Variants in KIF13B observed in about 807,000 individuals in gnomAD.
KIF13B encodes kinesin family member 13B.
KIF13B carries 127 observed loss-of-function variants against 222.0 expected under a neutral mutation model. That is an observed-to-expected ratio of 0.57 (90% confidence interval 0.50 to 0.66). The LOEUF (loss-of-function observed/expected upper bound fraction) is 0.66. Among genes scored for constraint, KIF13B ranks in the 30% least tolerant of loss-of-function variants. KIF13B has a pLI of 0.00. For synonymous variants in KIF13B, 976 were observed against 919.0 expected (o/e 1.06, Z -1.12); for missense variants, 2,173 against 2,379.0 (o/e 0.91, Z 1.80).
chr8:29,220,142 C>T (rs1401622637), intron 2 of KIF13B, among the ~76,000 whole-genome samples: 2 of 152,070 alleles, frequency 1.3e-5, no homozygotes, highest in African/African-American at 2.4e-5. Flanking sequence ...AAAATTTAAC[C>T]CCCCTGTACA....
Position 29,218,200 on chromosome 8 carries a change from C to A in KIF13B, c.150-22001G>T, listed in dbSNP as rs142810291. Among the ~76,000 whole-genome samples, 600 of 152,326 alleles carry A rather than the reference C, an allele frequency of 3.9e-3. 3 individuals carry two copies. The highest frequency in any genetic ancestry group is 0.014 in the African/African-American group (567 of 41,564). On this transcript the variant is annotated intron_variant, in intron 2 of 39. Transcript: ENST00000524189. ...GGTGATCCTGCTGCCTCCACACCAGCTCCTGCAATGGAAATCCTCAGCACC... is the reference window on the plus strand; with the variant it reads ...GGTGATCCTGCTGCCTCCACACCAGATCCTGCAATGGAAATCCTCAGCACC...
chr8:29,227,107 G>C (rs1036660765), intron 2 of KIF13B, among the ~76,000 whole-genome samples: 4 of 152,034 alleles, frequency 2.6e-5, no homozygotes, highest in Admixed American at 1.3e-4. Flanking sequence ...ATTTCTTTCA[G>C]GCTTTTGATG....
chr8:29,090,947 AC>A (rs1301295301), intron 37 of KIF13B, among the ~76,000 whole-genome samples: 2 of 152,002 alleles, frequency 1.3e-5, no homozygotes, highest in Non-Finnish European at 2.9e-5. Context: ...CAAATTCCTG[AC>A]CTCAGGTGAG....
At chr8:29,085,705 CTTTTTTTTTTTTTTTT>C (rs71222589) in intron 37 of KIF13B, among the ~76,000 whole-genome samples, 24 of 48,770 alleles carry the variant, frequency 4.9e-4, no homozygotes, top group East Asian at 4.3e-3. Flanking sequence ...AAATACTCTT[CTTTTTTTTTTTTTTTT>C]TTTTTTTTTT....
intron 10 of KIF13B, among the ~76,000 whole-genome samples, chr8:29,173,648 A>G (rs892553410): frequency 1.3e-5 from 2 of 152,044 alleles, no homozygotes; most frequent in Non-Finnish European, 2.9e-5. Flanking sequence ...TTCTATTAAA[A>G]AAAACAAATT....
chr8:29,177,666 A>G (rs1812537856), intron 8 of KIF13B, 88 bp from the exon 9 acceptor site: 2 of 871,684 alleles, frequency 2.3e-6, no homozygotes, highest in Admixed American at 3.4e-5. Flanking sequence ...CTTTGGGAGG[A>G]CAAGGAAGGA....
chr8:29,190,839 T>A (rs1358599540), intron 4 of KIF13B, 158 bp downstream of exon 4: 2 of 694,886 alleles, frequency 2.9e-6, no homozygotes, highest in Non-Finnish European at 5.2e-6. Context: ...CAACATTTGG[T>A]CACATTAAGT....
chr8:29,155,603 C>T (rs1586853015), intron 14 of KIF13B, 123 bp downstream of exon 14: 4 of 776,856 alleles, frequency 5.1e-6, no homozygotes, highest in Middle Eastern at 3.8e-4. Flanking sequence ...GTAAGGGGCC[C>T]GCCCAACCAA....
chr8:29,078,363 G>A (rs1476162874), intron 37 of KIF13B, among the ~76,000 whole-genome samples: 1 of 151,542 alleles, frequency 6.6e-6, no homozygotes, highest in African/African-American at 2.4e-5. Context: ...GGGTGTGAAC[G>A]CCACATGAAG....
At chr8:29,177,400 C>A in intron 9 of KIF13B, 66 bp downstream of exon 9, 2 of 1,090,682 alleles carry the variant, frequency 1.8e-6, no homozygotes, top group South Asian at 1.2e-5. Flanking sequence ...TTTTAATAAC[C>A]ACAGATGTTC....
At position 29,126,364 on chromosome 8, in the gene KIF13B, C is replaced by T. The variant is rs557996382; in HGVS notation, c.3252+118G>A. 5 of 712,304 alleles carry T rather than the reference C, an allele frequency of 7.0e-6. No individual in the cohort carries two copies. The African/African-American group carries it at 9.0e-5, about 13-fold the overall frequency. The allele number at this position is 712,304 out of a possible 1,614,324, so 44.1% of individuals were successfully genotyped here. A position where few individuals can be genotyped will look rare whatever the true frequency, so the allele number is the denominator to read the frequency against. ...CCTACTCTGTTTTACTTTAAAACAA[C>T]AAAAAAATCAGTATGAATTGTTTAA... On this transcript the variant is annotated intron_variant, in intron 26 of 39. Coordinates refer to ENST00000524189, the MANE Select transcript of KIF13B (RefSeq NM_015254.4).
At chr8:29,082,651 A>G (rs79251538) in intron 37 of KIF13B, among the ~76,000 whole-genome samples, 2 of 151,042 alleles carry the variant, frequency 1.3e-5, no homozygotes, top group Admixed American at 6.6e-5. Context: ...AAAATAAATT[A>G]AAAAAAAATA....
intron 37 of KIF13B, among the ~76,000 whole-genome samples, chr8:29,088,360 GCTTA>G (rs900512897): frequency 3.9e-5 from 6 of 152,302 alleles, no homozygotes; most frequent in Admixed American, 1.3e-4. Context: ...GATTAAAGAT[GCTTA>G]CTTAAAGAAT....
At chr8:29,145,484 A>G (rs890295479) in intron 18 of KIF13B, among the ~76,000 whole-genome samples, 11 of 152,106 alleles carry the variant, frequency 7.2e-5, no homozygotes, top group Admixed American at 3.3e-4. Flanking sequence ...TACAAAAATT[A>G]GTCCAGCGTG....
At chr8:29,126,777 C>T (rs1469886918) in intron 25 of KIF13B, among the ~76,000 whole-genome samples, 1 of 152,098 alleles carries the variant, frequency 6.6e-6, no homozygotes, top group Non-Finnish European at 1.5e-5. Flanking sequence ...TCCCACTCGC[C>T]AGGGGAAATC....
At chr8:29,171,676 G>GGA (rs1812243629) in intron 10 of KIF13B, among the ~76,000 whole-genome samples, 1 of 108,016 alleles carries the variant, frequency 9.3e-6, no homozygotes, top group African/African-American at 3.3e-5. Context: ...CATGTTTTGC[G>GGA]AAAAAAAAAA....
intron 3 of KIF13B, among the ~76,000 whole-genome samples, chr8:29,193,653 G>C (rs576187382): frequency 6.6e-6 from 1 of 152,170 alleles, no homozygotes; most frequent in Non-Finnish European, 1.5e-5. Flanking sequence ...GACCTCCCAT[G>C]AATACCAAAA....
intron 1 of KIF13B, among the ~76,000 whole-genome samples, chr8:29,261,073 C>G (rs1253733584): frequency 6.6e-6 from 1 of 152,056 alleles, no homozygotes; most frequent in Non-Finnish European, 1.5e-5. Context: ...GTGGTAATCA[C>G]TGAAAAAAGA....
intron 1 of KIF13B, among the ~76,000 whole-genome samples, chr8:29,254,896 C>T (rs1372086784): frequency 6.6e-6 from 1 of 152,132 alleles, no homozygotes; most frequent in Non-Finnish European, 1.5e-5. Flanking sequence ...GCCAAATGCC[C>T]ATCAATTGAT....
Sources: allele counts gnomAD v4.1 joint callset (sites outside exome capture counted in the v4.1 genomes callset), GRCh38; gene constraint gnomAD v4.1.1; transcripts MANE v1.5; gene names NCBI Gene and HGNC (gene_info 2026-07-23, HGNC 2026-07-21).